Variants in PTPRD observed in about 807,000 individuals in gnomAD.
PTPRD encodes protein tyrosine phosphatase receptor type D.
PTPRD carries 34 observed loss-of-function variants against 214.5 expected under a neutral mutation model. The observed-to-expected ratio is 0.16, with a 90% confidence interval of 0.12 to 0.21. The LOEUF (loss-of-function observed/expected upper bound fraction) is 0.21. Among genes scored for constraint, PTPRD ranks in the 10% least tolerant of loss-of-function variants. PTPRD has a pLI of 1.00. For synonymous variants in PTPRD, 1,128 were observed against 845.7 expected (o/e 1.33, Z -5.79); for missense variants, 2,545 against 2,398.7 (o/e 1.06, Z -1.27).
chr9:8,742,425 A>T (rs1395871204), intron 11 of PTPRD, among the ~76,000 whole-genome samples: 1 of 152,192 alleles, frequency 6.6e-6, no homozygotes, highest in African/African-American at 2.4e-5. Context: ...TGAAACTATC[A>T]TTTCTACATC....
At chr9:9,888,348 T>G (rs918009417) in intron 5 of PTPRD, among the ~76,000 whole-genome samples, 1 of 152,180 alleles carries the variant, frequency 6.6e-6, no homozygotes, top group Non-Finnish European at 1.5e-5. Flanking sequence ...AGACAAGATA[T>G]AGAGGACTAC....
At chr9:9,920,123 G>A (rs528076405) in intron 5 of PTPRD, among the ~76,000 whole-genome samples, 1 of 152,040 alleles carries the variant, frequency 6.6e-6, no homozygotes, top group South Asian at 2.1e-4. Flanking sequence ...TGACAAAATT[G>A]TTGTCAGTTT....
In PTPRD at chr9:8,936,512, C is replaced by T. The variant is rs899728930; in HGVS notation, c.-104+82185G>A. Among the ~76,000 whole-genome samples the T allele has an allele frequency of 2.0e-4, 28 of 143,118 alleles. 1 individual carries two copies. The highest frequency in any genetic ancestry group is 6.8e-4 in the African/African-American group (27 of 39,446). 93.9% of individuals were successfully genotyped at this position (143,118 alleles called of 152,430 possible). On this transcript the variant is annotated intron_variant, in intron 11 of 45. Coordinates refer to ENST00000381196, the MANE Select transcript of PTPRD (RefSeq NM_002839.4). Reference sequence around the variant, plus strand: ...CCCAATCCTTATTGTGAAAGACAAGCGATTTAGTGTTTGCTATATGCAGCA... The same window carrying T: ...CCCAATCCTTATTGTGAAAGACAAGTGATTTAGTGTTTGCTATATGCAGCA...
intron 3 of PTPRD, among the ~76,000 whole-genome samples, chr9:10,188,535 A>AT (rs575426057): frequency 0.01 from 1,477 of 147,052 alleles, 23 homozygotes; most frequent in African/African-American, 0.035. Context: ...CTTTTTCAAT[A>AT]TTTTTTTTTC....
intron 3 of PTPRD, among the ~76,000 whole-genome samples, chr9:10,255,954 G>T (rs1431758399): frequency 6.6e-6 from 1 of 152,092 alleles, no homozygotes; most frequent in Non-Finnish European, 1.5e-5. Flanking sequence ...AGGTTGCACA[G>T]AAGGAGGTGA....
intron 7 of PTPRD, among the ~76,000 whole-genome samples, chr9:9,706,553 C>A (rs566669408): frequency 1.8e-3 from 273 of 152,118 alleles, no homozygotes; most frequent in African/African-American, 6.2e-3. Flanking sequence ...AATTCTCCTG[C>A]TTCAGCCTCC....
chr9:8,656,647 C>A (rs2096915123), intron 12 of PTPRD, among the ~76,000 whole-genome samples: 3 of 152,178 alleles, frequency 2.0e-5, no homozygotes, highest in Admixed American at 2.0e-4. Flanking sequence ...TGTTAGAAAG[C>A]TACAGGAAAT....
chr9:9,896,002 G>T (rs550928438), intron 5 of PTPRD, among the ~76,000 whole-genome samples: 3 of 152,124 alleles, frequency 2.0e-5, no homozygotes, highest in East Asian at 1.9e-4. Context: ...GGGTCCGTTT[G>T]TCACAGTTCG....
intron 5 of PTPRD, among the ~76,000 whole-genome samples, chr9:9,905,653 C>G (rs576734234): frequency 2.0e-4 from 30 of 151,882 alleles, no homozygotes. Flanking sequence ...AGCACAAAAC[C>G]CAAGATATCA....
At chr9:9,184,856 AT>A (rs1170920250) in intron 9 of PTPRD, among the ~76,000 whole-genome samples, 1 of 152,074 alleles carries the variant, frequency 6.6e-6, no homozygotes, top group Non-Finnish European at 1.5e-5. Flanking sequence ...CATAGGAACT[AT>A]TATTCTAAAT....
intron 5 of PTPRD, among the ~76,000 whole-genome samples, chr9:9,784,773 G>A (rs1253461132): frequency 6.7e-6 from 1 of 149,502 alleles, no homozygotes; most frequent in Non-Finnish European, 1.5e-5. Context: ...ATGTGTGTGT[G>A]TATATATAGA....
intron 11 of PTPRD, among the ~76,000 whole-genome samples, chr9:8,755,233 C>CA (rs201333942): frequency 1.1e-4 from 14 of 131,286 alleles, no homozygotes; most frequent in Admixed American, 7.1e-4. Context: ...AAAAAAAAAA[C>CA]AAAAAAAACA....
chr9:9,958,488 G>A (rs188706219), intron 4 of PTPRD, among the ~76,000 whole-genome samples: 14 of 152,250 alleles, frequency 9.2e-5, no homozygotes, highest in African/African-American at 3.1e-4. Context: ...CCAAGATCAT[G>A]CCATTGCACT....
At chr9:9,646,528 G>A (rs1276048374) in intron 7 of PTPRD, among the ~76,000 whole-genome samples, 3 of 152,070 alleles carry the variant, frequency 2.0e-5, no homozygotes, top group Non-Finnish European at 2.9e-5. Flanking sequence ...GTATCAGAAT[G>A]TAGGTATTAT....
chr9:9,009,386 C>A (rs1262811453), intron 11 of PTPRD, among the ~76,000 whole-genome samples: 2 of 151,820 alleles, frequency 1.3e-5, no homozygotes, highest in African/African-American at 4.8e-5. Context: ...TCTAAAGGCT[C>A]CACAAATTTC....
intron 3 of PTPRD, among the ~76,000 whole-genome samples, chr9:10,161,532 A>G (rs1271066558): frequency 6.6e-6 from 1 of 151,766 alleles, no homozygotes; most frequent in Non-Finnish European, 1.5e-5. Flanking sequence ...CTCTCACCAT[A>G]TATAACAATA....
chr9:9,308,763 CAT>C (rs1484441547), intron 9 of PTPRD, among the ~76,000 whole-genome samples: 1 of 152,064 alleles, frequency 6.6e-6, no homozygotes, highest in African/African-American at 2.4e-5. Context: ...CAATTTAAAA[CAT>C]AATGTATTCT....
chr9:9,777,414 G>C (rs2154486818), intron 5 of PTPRD, among the ~76,000 whole-genome samples: 1 of 151,994 alleles, frequency 6.6e-6, no homozygotes, highest in East Asian at 1.9e-4. Context: ...TATAATTCCA[G>C]CTAGGTGTGG....
intron 7 of PTPRD, among the ~76,000 whole-genome samples, chr9:9,602,563 G>C (rs1204071339): frequency 6.6e-6 from 1 of 151,934 alleles, no homozygotes; most frequent in East Asian, 1.9e-4. Flanking sequence ...AGTTAAATGA[G>C]GTAGTACCTG....
Sources: allele counts gnomAD v4.1 joint callset (sites outside exome capture counted in the v4.1 genomes callset), GRCh38; gene constraint gnomAD v4.1.1; transcripts MANE v1.5; gene names NCBI Gene and HGNC (gene_info 2026-07-23, HGNC 2026-07-21).